RANBP2: variants seen among roughly 807,000 people sequenced by gnomAD.
The protein encoded by RANBP2 is RAN binding protein 2.
Under a neutral mutation model 303.6 loss-of-function variants are expected in RANBP2, and 57 were observed. The observed-to-expected ratio is 0.19, with a 90% CI of 0.15 to 0.23. The LOEUF (loss-of-function observed/expected upper bound fraction) is 0.23. Ranked by LOEUF, RANBP2 falls within the 10% of genes least tolerant of loss-of-function variation. The pLI is 1.00. For synonymous variants in RANBP2, 1,167 were observed against 1,301.5 expected (o/e 0.90, Z 2.23); for missense variants, 3,138 against 3,780.8 (o/e 0.83, Z 4.46).
At chr2:108,740,719 T>G (rs826566) in intron 7 of RANBP2, 38 bp downstream of exon 7, 21,490 of 1,596,904 alleles carry the variant, frequency 0.013, 191 homozygotes, top group Non-Finnish European at 0.016. Context: ...GACATTTCAC[T>G]GAGTCTTGAT....
chr2:109,009,796 C>A, the RANBP2 span, among the ~76,000 whole-genome samples: 27 of 151,796 alleles, frequency 1.8e-4, no homozygotes, highest in East Asian at 5.8e-4. Flanking sequence ...ATTCTCCCAC[C>A]TCGGCCTCCC....
chr2:109,697,775 G>A, the RANBP2 span, among the ~76,000 whole-genome samples: 44 of 151,926 alleles, frequency 2.9e-4, no homozygotes, highest in African/African-American at 9.9e-4. Context: ...TTAATTAGAA[G>A]TGGTGAGAGA....
chr2:109,188,673 G>C, the RANBP2 span, among the ~76,000 whole-genome samples: 1 of 152,188 alleles, frequency 6.6e-6, no homozygotes. Context: ...CAAAGCGCTT[G>C]GGTTTGCTCC....
At chr2:109,020,145 T>C in the RANBP2 span, among the ~76,000 whole-genome samples, 1 of 152,202 alleles carries the variant, frequency 6.6e-6, no homozygotes, top group Non-Finnish European at 1.5e-5. Flanking sequence ...AGTGTTCTAA[T>C]GGGAGGCATG....
chr2:109,280,590 T>TGTAA, the RANBP2 span, among the ~76,000 whole-genome samples: 3 of 152,212 alleles, frequency 2.0e-5, no homozygotes, highest in Admixed American at 6.5e-5. Context: ...AAAAACCCTG[T>TGTAA]GTAAGTAGTC....
chr2:109,532,263 G>A, the RANBP2 span, among the ~76,000 whole-genome samples: 181 of 152,282 alleles, frequency 1.2e-3, no homozygotes, highest in African/African-American at 3.7e-3. Flanking sequence ...TTACAGACTC[G>A]GTCACTACCA....
chr2:109,734,389 C>T, the RANBP2 span, among the ~76,000 whole-genome samples: 1 of 151,896 alleles, frequency 6.6e-6, no homozygotes, highest in South Asian at 2.1e-4. Context: ...TTTACAATAG[C>T]ATCTAAAAAA....
At chr2:109,545,902 C>T in the RANBP2 span, 1 of 1,443,982 alleles carries the variant, frequency 6.9e-7, no homozygotes, top group Non-Finnish European at 9.2e-7. Context: ...ACAAGAGGGA[C>T]AAGGTCTCTC....
At chr2:108,737,715 A>ATT (rs34504601) in intron 6 of RANBP2, among the ~76,000 whole-genome samples, 7,563 of 129,188 alleles carry the variant, frequency 0.059, 263 homozygotes, top group South Asian at 0.14. Flanking sequence ...CACCTGGCTA[A>ATT]TTTTTTTTTT....
the RANBP2 span, among the ~76,000 whole-genome samples, chr2:109,364,612 A>T: frequency 6.6e-6 from 1 of 152,216 alleles, no homozygotes; most frequent in Non-Finnish European, 1.5e-5. Context: ...TGTGGGGGCC[A>T]TGCGGCCACA....
the RANBP2 span, among the ~76,000 whole-genome samples, chr2:109,709,543 G>T: frequency 1.3e-5 from 2 of 152,104 alleles, no homozygotes; most frequent in Non-Finnish European, 2.9e-5. Flanking sequence ...AGACCACTGA[G>T]CCTGGCTGCA....
At chr2:108,774,174 C>G (rs758228518) in intron 23 of RANBP2, among the ~76,000 whole-genome samples, 3 of 152,120 alleles carry the variant, frequency 2.0e-5, no homozygotes, top group African/African-American at 4.8e-5. Context: ...CAGCGTAAAC[C>G]TCACTTGGTC....
the RANBP2 span, among the ~76,000 whole-genome samples, chr2:109,068,985 T>C: frequency 6.6e-6 from 1 of 152,240 alleles, no homozygotes; most frequent in Non-Finnish European, 1.5e-5. Flanking sequence ...TGTGTTTCCA[T>C]TTCTGCCCAT....
the RANBP2 span, among the ~76,000 whole-genome samples, chr2:109,075,579 C>CAAA: frequency 5.4e-3 from 591 of 109,680 alleles, 13 homozygotes; most frequent in African/African-American, 0.016. Flanking sequence ...CTTAGACAAA[C>CAAA]AAAAAAAAAA....
At chr2:109,328,025 T>G in the RANBP2 span, among the ~76,000 whole-genome samples, 58 of 152,336 alleles carry the variant, frequency 3.8e-4, no homozygotes, top group African/African-American at 1.4e-3. Context: ...GTCCCTCCAC[T>G]TTTTTTGTTT....
rs554106473 is a variant in RANBP2 at position 108,784,822 on chromosome 2, C to T, written c.*921C>T. 2.2e-5 allele frequency: 3 copies of T among 134,066 alleles called. No homozygotes were observed. The highest frequency in any genetic ancestry group is 2.0e-4 in the East Asian group (1 of 5,112). The allele number at this position is 134,066 out of a possible 1,614,324, so 8.3% of individuals were successfully genotyped here. A position where few individuals can be genotyped will look rare whatever the true frequency, so the allele number is the denominator to read the frequency against. On this transcript the variant is annotated 3_prime_UTR_variant, in exon 29 of 29. Transcript: ENST00000283195. ...TGACATCCAAAAAATTCATTACTTA[C>T]GCTTCGGGTTCATTCTAAAGTAAGG... is the stretch of plus-strand genomic sequence containing the variant.
At chr2:109,599,944 A>G in the RANBP2 span, among the ~76,000 whole-genome samples, 3 of 152,188 alleles carry the variant, frequency 2.0e-5, no homozygotes, top group African/African-American at 7.2e-5. Context: ...ACTTCCTCTC[A>G]TGGCAGCCAA....
chr2:109,444,380 T>C, the RANBP2 span, among the ~76,000 whole-genome samples: 1 of 152,246 alleles, frequency 6.6e-6, no homozygotes, highest in Admixed American at 6.5e-5. Flanking sequence ...GCTGAAGCAC[T>C]GGCCTACTGG....
chr2:108,730,954 G>C lies in RANBP2; in HGVS notation c.252+69G>C, dbSNP rs1050314134. ...ATGATGCCCAGAGAAATTTATATAAGTAAGTCAAATATATTTTATGAATAT... is the reference window on the plus strand; with the variant it reads ...ATGATGCCCAGAGAAATTTATATAACTAAGTCAAATATATTTTATGAATAT... On this transcript the variant is annotated intron_variant, in intron 3 of 28. Coordinates refer to ENST00000283195, the MANE Select transcript of RANBP2 (RefSeq NM_006267.5). 780 of 1,518,598 alleles carry C rather than the reference G, an allele frequency of 5.1e-4. 1 individual carries two copies. Among genetic ancestry groups the C allele is most frequent in the Non-Finnish European group, 6.6e-4 (725 of 1,101,788 alleles). 94.1% of individuals were successfully genotyped at this position (1,518,598 alleles called of 1,614,324 possible). A position where few individuals can be genotyped will look rare whatever the true frequency, so the allele number is the denominator to read the frequency against.
Sources: gnomAD v4.1 joint callset for allele counts (sites outside exome capture counted in the v4.1 genomes callset) on GRCh38, gnomAD v4.1.1 for gene constraint, MANE v1.5 for transcripts, NCBI Gene and HGNC (gene_info 2026-07-23, HGNC 2026-07-21) for gene names.